Variants in NXPE2 observed in about 807,000 individuals in gnomAD.
NXPE2 encodes the protein neurexophilin and PC-esterase domain family member 2, also known as NXPE family member 2.
A neutral mutation model predicts 34.4 loss-of-function variants in NXPE2; 34 were observed. The ratio of observed to expected loss-of-function variants is 0.99; its 90% confidence interval spans 0.75 to 1.31. NXPE2 has a LOEUF of 1.31. NXPE2 is among the 40% of genes most tolerant of loss of function. The pLI is 0.00. For missense variants in NXPE2, 649 were observed against 672.5 expected, an observed-to-expected ratio of 0.97 and a Z score of 0.39; for synonymous variants, 235 against 231.3, an observed-to-expected ratio of 1.02 and a Z score of -0.15.
chr11:114,527,707 C>A, the NXPE2 span: 1 of 563,992 alleles, frequency 1.8e-6, no homozygotes. Context: ...TCATTTCTCC[C>A]TTTAAAGTCC....
chr11:114,626,450 C>T, the NXPE2 span, among the ~76,000 whole-genome samples: 1 of 151,922 alleles, frequency 6.6e-6, no homozygotes, highest in East Asian at 1.9e-4. Flanking sequence ...CTCCAACAGA[C>T]CTGCAGCTGA....
the NXPE2 span, among the ~76,000 whole-genome samples, chr11:114,464,312 CG>C: frequency 1.3e-3 from 192 of 151,978 alleles, no homozygotes; most frequent in African/African-American, 4.4e-3. Flanking sequence ...GGGGTCTTGG[CG>C]TGTTGCCCAG....
At chr11:114,727,811 A>ACACACACACACACACACG in the NXPE2 span, among the ~76,000 whole-genome samples, 2 of 151,592 alleles carry the variant, frequency 1.3e-5, no homozygotes, top group Middle Eastern at 6.8e-3. Context: ...ACACACACAC[A>ACACACACACACACACACG]CACACATATC....
At chr11:114,711,880 T>C (rs1042776552), downstream of NXPE2, among the ~76,000 whole-genome samples, 16 of 152,094 alleles carry the variant, frequency 1.1e-4, no homozygotes, top group African/African-American at 3.9e-4. Flanking sequence ...TAAGATGGTG[T>C]GGTACTGATA....
At chr11:114,725,686 A>G in the NXPE2 span, among the ~76,000 whole-genome samples, 2 of 151,906 alleles carry the variant, frequency 1.3e-5, no homozygotes, top group African/African-American at 4.8e-5. Context: ...TCAGTCTCTC[A>G]TCAGCATCCC....
At chr11:114,551,625 A>G in the NXPE2 span, among the ~76,000 whole-genome samples, 1 of 152,240 alleles carries the variant, frequency 6.6e-6, no homozygotes, top group African/African-American at 2.4e-5. Flanking sequence ...CATAATCTGT[A>G]AAATGCCTTT....
intron 3 of NXPE2, among the ~76,000 whole-genome samples, chr11:114,703,700 GATAGATAGATA>G (rs1222168256): frequency 4.2e-4 from 1 of 2,360 alleles, no homozygotes; most frequent in African/African-American, 8.7e-4. Context: ...ATAGATAGAT[GATAGATAGATA>G]GATAGACAGA....
At chr11:114,585,924 C>A in the NXPE2 span, among the ~76,000 whole-genome samples, 4 of 152,092 alleles carry the variant, frequency 2.6e-5, no homozygotes, top group African/African-American at 9.7e-5. Flanking sequence ...TTCTTTGTCA[C>A]CATGTGTACA....
the NXPE2 span, among the ~76,000 whole-genome samples, chr11:114,570,153 C>T: frequency 3.3e-5 from 5 of 152,150 alleles, no homozygotes; most frequent in Admixed American, 2.6e-4. Flanking sequence ...GGGGCTCAGA[C>T]TATCTGGACC....
the NXPE2 span, among the ~76,000 whole-genome samples, chr11:114,756,609 G>A: frequency 6.7e-4 from 102 of 151,808 alleles, no homozygotes; most frequent in Admixed American, 1.3e-3. Flanking sequence ...CACTATAAAG[G>A]TATAACATTC....
chr11:114,647,500 A>C, the NXPE2 span, among the ~76,000 whole-genome samples: 3 of 152,038 alleles, frequency 2.0e-5, no homozygotes, highest in African/African-American at 7.2e-5. Flanking sequence ...ATGCTCACTA[A>C]CTATGTAAGT....
the NXPE2 span, chr11:114,582,632 G>T: frequency 6.2e-7 from 1 of 1,614,180 alleles, no homozygotes; most frequent in Non-Finnish European, 8.5e-7. Context: ...TGACCAGGTA[G>T]GTGCCGTTGT....
chr11:114,678,290 C>T (rs1950881226), upstream of NXPE2: 1 of 291,636 alleles, frequency 3.4e-6, no homozygotes, highest in African/African-American at 2.2e-5. Context: ...CACGTAAAGC[C>T]TTAACCAAAG....
At chr11:114,671,073 A>T in the NXPE2 span, among the ~76,000 whole-genome samples, 71 of 146,772 alleles carry the variant, frequency 4.8e-4, no homozygotes, top group Middle Eastern at 3.6e-3. Context: ...ATACATAAAT[A>T]TAAATATATA....
the NXPE2 span, among the ~76,000 whole-genome samples, chr11:114,557,039 T>C: frequency 6.6e-6 from 1 of 151,926 alleles, no homozygotes. Flanking sequence ...ATTACAGGCG[T>C]GAGCCACCAC....
chr11:114,531,294 T>A, the NXPE2 span, among the ~76,000 whole-genome samples: 1 of 152,174 alleles, frequency 6.6e-6, no homozygotes, highest in East Asian at 1.9e-4. Flanking sequence ...GTTTACTCTT[T>A]CTTTTCATAT....
At chr11:114,495,951 A>C in the NXPE2 span, among the ~76,000 whole-genome samples, 1 of 151,946 alleles carries the variant, frequency 6.6e-6, no homozygotes, top group Non-Finnish European at 1.5e-5. Flanking sequence ...TCTCTCCTGG[A>C]GCTGCAAGCT....
At chr11:114,537,375 C>G in the NXPE2 span, among the ~76,000 whole-genome samples, 2 of 152,282 alleles carry the variant, frequency 1.3e-5, no homozygotes, top group African/African-American at 4.8e-5. Context: ...TGGCACAAGA[C>G]AGGGATGCCC....
the NXPE2 span, among the ~76,000 whole-genome samples, chr11:114,648,428 C>CTT: frequency 3.9e-5 from 6 of 152,274 alleles, no homozygotes; most frequent in South Asian, 6.2e-4. Flanking sequence ...GAGGGTCAGA[C>CTT]TTTTGTTCTA....
Sources: gnomAD v4.1 joint callset for allele counts (sites outside exome capture counted in the v4.1 genomes callset) on GRCh38, gnomAD v4.1.1 for gene constraint, MANE v1.5 for transcripts, NCBI Gene and HGNC (gene_info 2026-07-23, HGNC 2026-07-21) for gene names.